Variants in WDSUB1 observed in about 807,000 individuals in gnomAD.
WDSUB1 encodes WD repeat, SAM and U-box domain-containing protein 1.
In WDSUB1, 49 loss-of-function variants were observed where a neutral mutation model predicts 53.9. The ratio of observed to expected loss-of-function variants is 0.91; its 90% CI spans 0.72 to 1.15. The LOEUF (loss-of-function observed/expected upper bound fraction) is 1.15, where lower values mean the gene tolerates loss of function less well. Among genes scored for constraint, WDSUB1 ranks in the 50% most tolerant of loss-of-function variants. The probability of loss-of-function intolerance (pLI) is 0.00; values close to 1 mark genes in which losing one functional copy is unlikely to be tolerated. For missense variants in WDSUB1, 514 were observed against 562.0 expected (o/e 0.91, Z 0.86); for synonymous variants, 194 against 200.6 (o/e 0.97, Z 0.28).
chr2:159,283,071 T>C lies in WDSUB1; in HGVS notation c.-2A>G. The C allele has an allele frequency of 6.3e-7, 1 of 1,590,688 alleles. No individual in the cohort carries two copies. The highest frequency in any genetic ancestry group is 8.6e-7 in the Non-Finnish European group (1 of 1,166,012). ...TAATGTGTGAATCAGTTTCACCATGTTCTTTATTTGAAGAAAAACAGCCTG... is the reference window on the plus strand; with the variant it reads ...TAATGTGTGAATCAGTTTCACCATGCTCTTTATTTGAAGAAAAACAGCCTG... On this transcript the variant is annotated 5_prime_UTR_variant, in exon 2 of 11. Transcript: ENST00000359774.
intron 4 of WDSUB1, among the ~76,000 whole-genome samples, chr2:159,273,826 C>A (rs771008911): frequency 1.6e-4 from 25 of 152,172 alleles, no homozygotes; most frequent in Non-Finnish European, 2.5e-4. Flanking sequence ...TACTTTTGAA[C>A]AATTACTAAA....
intron 4 of WDSUB1, among the ~76,000 whole-genome samples, chr2:159,272,641 C>T (rs896586458): frequency 1.3e-5 from 2 of 152,102 alleles, no homozygotes; most frequent in African/African-American, 4.8e-5. Flanking sequence ...CTGATAAAAA[C>T]AAAATACGCC....
At chr2:159,286,174 T>C (rs2151168629) in intron 1 of WDSUB1, among the ~76,000 whole-genome samples, 1 of 151,996 alleles carries the variant, frequency 6.6e-6, no homozygotes, top group East Asian at 1.9e-4. Flanking sequence ...TTGGCCAGCG[T>C]AAACACATGA....
In WDSUB1 at chr2:159,256,279, A is replaced by G. The variant is rs1170965389; in HGVS notation, c.1049T>C (p.Val350Ala). ...WLCAQDLKDL[V>A]GIFKMNNIDG... The stretch of plus-strand genomic sequence containing the variant: ...AATGTTATTCATCTTGAAAATACCA[A>G]CAAGATCTTTTAAATCTTGTGCACA... The change falls in exon 9 of 11, where the codon GTT (valine) becomes GCT (alanine). Residue 350 changes from valine to alanine, a missense_variant. Physicochemically the swap from Val to Ala is moderately conservative, Grantham distance 64. Coordinates refer to ENST00000359774, the MANE Select transcript of WDSUB1 (RefSeq NM_001128212.3). 6.2e-7 allele frequency: 1 copy of G among 1,612,162 alleles called. No individual in the cohort carries two copies. The highest frequency in any genetic ancestry group is 1.3e-5 in the African/African-American group (1 of 74,826).
At chr2:159,269,414 G>C (rs1575478926) in intron 5 of WDSUB1, among the ~76,000 whole-genome samples, 1 of 151,992 alleles carries the variant, frequency 6.6e-6, no homozygotes, top group South Asian at 2.1e-4. Context: ...CAAGTGATAG[G>C]CCTGCCTCTG....
At chr2:159,242,198 A>C (rs922933728) in intron 10 of WDSUB1, among the ~76,000 whole-genome samples, 20 of 146,530 alleles carry the variant, frequency 1.4e-4, no homozygotes, top group South Asian at 2.2e-4. Flanking sequence ...CTACAGGCAC[A>C]CGCCACCACA....
At chr2:159,255,139 C>T (rs1361664009) in intron 9 of WDSUB1, among the ~76,000 whole-genome samples, 1 of 151,724 alleles carries the variant, frequency 6.6e-6, no homozygotes, top group Non-Finnish European at 1.5e-5. Flanking sequence ...TCTCTTCCCC[C>T]ACCCTGCCAC....
At chr2:159,276,255 T>C (rs2061539576) in intron 3 of WDSUB1, among the ~76,000 whole-genome samples, 1 of 151,898 alleles carries the variant, frequency 6.6e-6, no homozygotes, top group African/African-American at 2.4e-5. Context: ...AGAGACGGGG[T>C]TTCCCCATAT....
Position 159,243,404 on chromosome 2 carries a change from T to G in WDSUB1, c.1273+4968A>C, listed in dbSNP as rs556412530. Among the ~76,000 whole-genome samples the G allele has an allele frequency of 2.0e-4, 30 of 147,508 alleles. 1 individual carries two copies. The South Asian group carries it at 2.3e-3, about 12-fold the overall frequency. ...CAAACCTCTAGACAGGATAAGACTG[T>G]GTAGAGCTTCACACACACAGATAAG... is the stretch of plus-strand genomic sequence containing the variant. On this transcript the variant is annotated intron_variant, in intron 10 of 10. Coordinates refer to ENST00000359774, the MANE Select transcript of WDSUB1 (RefSeq NM_001128212.3).
At chr2:159,267,061 C>T (rs905888683) in intron 5 of WDSUB1, among the ~76,000 whole-genome samples, 1 of 151,962 alleles carries the variant, frequency 6.6e-6, no homozygotes, top group African/African-American at 2.4e-5. Context: ...GCATGAGCCA[C>T]CATGCCCGGT....
rs750083466 is a variant in WDSUB1 at position 159,278,304 on chromosome 2, G to A, written c.583+1457C>T. Among the ~76,000 whole-genome samples, 16 of 152,092 alleles carry A rather than the reference G, an allele frequency of 1.1e-4. 1 individual carries two copies. Among genetic ancestry groups the A allele is most frequent in the Admixed American group, 6.5e-5 (1 of 15,268 alleles). Reference sequence around the variant, plus strand: ...TAGGGAGGGAGTTTAACGTAAGAATGGGTTTATGAAAAGAAAATCTATTAT... The same window carrying A: ...TAGGGAGGGAGTTTAACGTAAGAATAGGTTTATGAAAAGAAAATCTATTAT... On this transcript the variant is annotated intron_variant, in intron 3 of 10. Transcript: ENST00000359774.
intron 5 of WDSUB1, among the ~76,000 whole-genome samples, chr2:159,271,170 C>T (rs753004000): frequency 2.0e-5 from 3 of 152,114 alleles, no homozygotes; most frequent in African/African-American, 7.2e-5. Context: ...TGAAAATGCA[C>T]GTATTCTATG....
At chr2:159,238,555 A>G (rs943156889) in intron 10 of WDSUB1, among the ~76,000 whole-genome samples, 1 of 152,212 alleles carries the variant, frequency 6.6e-6, no homozygotes, top group African/African-American at 2.4e-5. Context: ...CTTATTGTCA[A>G]AATACCACTT....
In WDSUB1 at chr2:159,256,868, T is replaced by C. The variant is rs115686952; in HGVS notation, c.953-493A>G. Reference sequence around the variant, plus strand: ...ATTTTGTCCTGAGGTTATATTTACCTGAAAAATTAGTATGGAGTATAAACA... The same window carrying C: ...ATTTTGTCCTGAGGTTATATTTACCCGAAAAATTAGTATGGAGTATAAACA... On this transcript the variant is annotated intron_variant, in intron 8 of 10. Transcript: ENST00000359774. Among the ~76,000 whole-genome samples, 608 of 152,298 alleles carry C rather than the reference T, an allele frequency of 4.0e-3. 8 individuals are homozygous for C. The highest frequency in any genetic ancestry group is 0.014 in the African/African-American group (579 of 41,564).
At chr2:159,273,062 TTAAC>T (rs1426597758) in intron 4 of WDSUB1, among the ~76,000 whole-genome samples, 1 of 152,132 alleles carries the variant, frequency 6.6e-6, no homozygotes, top group Non-Finnish European at 1.5e-5. Context: ...TAACAAGCAT[TTAAC>T]TAAAGAAAAA....
chr2:159,257,653 G>T, intron 8 of WDSUB1, 105 bp downstream of exon 8: 1 of 945,720 alleles, frequency 1.1e-6, no homozygotes, highest in South Asian at 1.5e-5. Context: ...CTCCCAAAGT[G>T]CTGGGATTAC....
chr2:159,246,092 G>C (rs1559529548), intron 10 of WDSUB1, among the ~76,000 whole-genome samples: 1 of 152,100 alleles, frequency 6.6e-6, no homozygotes, highest in Non-Finnish European at 1.5e-5. Context: ...AATAAGCTCA[G>C]AAAAAGATGC....
chr2:159,257,922 A>G, intron 7 of WDSUB1, 23 bp downstream of exon 7: 2 of 1,611,594 alleles, frequency 1.2e-6, no homozygotes, highest in Non-Finnish European at 1.7e-6. Flanking sequence ...TTATATTAAT[A>G]CAAGGTGAGG....
chr2:159,245,142 C>G (rs1270966801), intron 10 of WDSUB1, among the ~76,000 whole-genome samples: 1 of 152,078 alleles, frequency 6.6e-6, no homozygotes, highest in Non-Finnish European at 1.5e-5. Context: ...GAAAGTGTTT[C>G]TAAGATCTAT....
Sources: gnomAD v4.1 joint callset for allele counts (sites outside exome capture counted in the v4.1 genomes callset) on GRCh38, gnomAD v4.1.1 for gene constraint, MANE v1.5 for transcripts, NCBI Gene and HGNC (gene_info 2026-07-23, HGNC 2026-07-21) for gene names.